The following ADCY6 variants were observed in gnomAD, a reference collection of about 807,000 sequenced individuals.
ADCY6 encodes the protein adenylate cyclase 6.
In ADCY6, 59 loss-of-function variants were observed where a neutral mutation model predicts 111.6. The observed-to-expected ratio is 0.53, with a 90% CI of 0.43 to 0.66. The LOEUF (loss-of-function observed/expected upper bound fraction) is 0.66, where lower values mean the gene tolerates loss of function less well. Ranked by LOEUF, ADCY6 falls within the 30% of genes least tolerant of loss-of-function variation. ADCY6 has a pLI of 0.00. For missense variants in ADCY6, 1,242 were observed against 1,595.6 expected, an observed-to-expected ratio of 0.78 and a Z score of 3.78; for synonymous variants, 576 against 642.9, an observed-to-expected ratio of 0.90 and a Z score of 1.57.
chr12:48,778,365 G>A, intron 2 of ADCY6, 108 bp from the exon 3 acceptor site: 1 of 1,421,206 alleles, frequency 7.0e-7, no homozygotes, highest in East Asian at 2.3e-5. Flanking sequence ...GGAAGCCAGG[G>A]TCCTGCACCC....
At chr12:48,781,881 C>A (rs751339815) in intron 2 of ADCY6, among the ~76,000 whole-genome samples, 1 of 152,200 alleles carries the variant, frequency 6.6e-6, no homozygotes, top group African/African-American at 2.4e-5. Context: ...CAAGGAAAGG[C>A]GCCCAGGTCC....
intron 1 of ADCY6, chr12:48,784,081 CAA>C (rs953287722): frequency 3.7e-5 from 5 of 135,964 alleles, no homozygotes; most frequent in East Asian, 2.1e-4. Flanking sequence ...GACTCCGTCT[CAA>C]AAAAAAAAAA....
chr12:48,778,303 C>T (rs1348383085), intron 2 of ADCY6, 46 bp from the exon 3 acceptor site: 2 of 1,611,378 alleles, frequency 1.2e-6, no homozygotes, highest in Admixed American at 1.7e-5. Context: ...CCTCTGCCTG[C>T]CCCCCTAAAC....
Position 48,775,048 on chromosome 12 carries a change from G to A in ADCY6, c.1987C>T (p.Arg663Trp), listed in dbSNP as rs116786357. ...GCTCCGAAGCGGGGATCCACCTTCC[G>A]GGAGTACTGAGGGAGAGGAGGCTGA... The part of the protein sequence containing the change: ...QREDLEKKYS[R>W]KVDPRFGAYV... The change falls in exon 12 of 22, where the codon CGG becomes TGG. Residue 663 changes from arginine (R) to tryptophan (W), a missense_variant. Transcript: ENST00000357869. 104 of 1,554,474 alleles carry A rather than the reference G, an allele frequency of 6.7e-5. No individual in the cohort carries two copies. The African/African-American group carries it at 9.3e-4, about 14-fold the overall frequency.
rs373432687 is a variant in ADCY6 at position 48,782,780 on chromosome 12, G to A, written c.655C>T (p.Leu219=). 7.4e-6 allele frequency: 12 copies of A among 1,613,188 alleles called. No individual in the cohort carries two copies. In the Admixed American group the frequency reaches 1.8e-4, roughly 25 times the overall value. The change falls in exon 2 of 22, where the codon CTG becomes TTG. Residue 219 remains leucine (L), a synonymous_variant. Transcript: ENST00000357869. The surrounding 1 kb of genome is among the most constrained non-coding windows in gnomAD (Gnocchi z 4.3). ...WVVSYVVLGI[L]AAVQVGGALA... ...GCGCCCCCGACCTGCACTGCCGCCA[G>A]GATGCCCAGCACCACGTAGCTCACC...
rs150930409 is a variant in ADCY6, at chr12:48,774,723, C to T, written c.2134G>A (p.Val712Met). 97 of 1,613,964 alleles carry T rather than the reference C, an allele frequency of 6.0e-5. No homozygotes were observed. The highest frequency in any genetic ancestry group is 1.6e-4 in the Middle Eastern group (1 of 6,080). The change falls in exon 13 of 22, where the codon GTG becomes ATG. Residue 712 changes from valine (V) to methionine (M), a missense_variant. Physicochemically the swap from Val to Met is conservative, Grantham distance 21. Coordinates refer to ENST00000357869, the MANE Select transcript of ADCY6 (RefSeq NM_015270.5). Reference sequence around the variant, plus strand: ...CAGGAGTACACAGCACAGATCAGCACGGTGATTAGCAGCAGCAGGAAGATG... The same window carrying T: ...CAGGAGTACACAGCACAGATCAGCATGGTGATTAGCAGCAGCAGGAAGATG... ...ASIFLLLLIT[V>M]LICAVYSCGS...
chr12:48,777,816 G>C lies in ADCY6; in HGVS notation c.1015-80C>G. The C allele has an allele frequency of 6.3e-7, 1 of 1,575,844 alleles. No individual in the cohort carries two copies. The highest frequency in any genetic ancestry group is 8.6e-7 in the Non-Finnish European group (1 of 1,161,862). On this transcript the variant is annotated intron_variant, in intron 3 of 21. Transcript: ENST00000357869. This position sits in a 1 kb window ranked among gnomAD's most constrained non-coding sequence, Gnocchi z 4.9. ...CCCTCCTGGTCTCTCCACATCGCCAGAGCCCTCCTAGACTTCTCTGAAGAC... is the reference window on the plus strand; with the variant it reads ...CCCTCCTGGTCTCTCCACATCGCCACAGCCCTCCTAGACTTCTCTGAAGAC...
At chr12:48,769,579 CCTTT>C (rs1224082062) in intron 20 of ADCY6, among the ~76,000 whole-genome samples, 1 of 151,182 alleles carries the variant, frequency 6.6e-6, no homozygotes, top group East Asian at 1.9e-4. Context: ...CTGGCTTCAT[CCTTT>C]CTTTTCTTTT....
In ADCY6 at chr12:48,767,627, T is replaced by A. The variant is rs1263250114; in HGVS notation, c.*964A>T. On this transcript the variant is annotated 3_prime_UTR_variant, in exon 22 of 22. Transcript: ENST00000357869. ...TTGGGATCAGGGTCACCTTTCTCCA[T>A]GCCCTGACCCTTTTCTATTTGGCAA... 6.6e-6 allele frequency: 1 copy of A among 152,638 alleles called. No homozygotes were observed. Among genetic ancestry groups the A allele is most frequent in the Admixed American group, 6.5e-5 (1 of 15,284 alleles). The allele number at this position is 152,638 out of a possible 1,614,324, so 9.5% of individuals were successfully genotyped here.
Position 48,774,096 on chromosome 12 carries a change from G to T in ADCY6, c.2286C>A (p.Phe762Leu). The T allele has an allele frequency of 1.2e-6, 2 of 1,606,552 alleles. No homozygotes were observed. Among genetic ancestry groups the T allele is most frequent in the South Asian group, 2.2e-5 (2 of 89,790 alleles). The change falls in exon 15 of 22, where the codon TTC becomes TTA. Residue 762 changes from phenylalanine to leucine, a missense_variant and splice_region_variant. Transcript: ENST00000357869. ...TCCGTATGGGGGTGTGGTTACAGGT[G>T]AACTGCAAAAGTGGAGGGGTATATC... ...LVFTSAIANM[F>L]TCNHTPIRSC... is the part of the protein sequence containing the mutation.
chr12:48,779,380 C>T (rs1941787922), intron 2 of ADCY6, among the ~76,000 whole-genome samples: 1 of 152,164 alleles, frequency 6.6e-6, no homozygotes, highest in Non-Finnish European at 1.5e-5. Flanking sequence ...CTACTGCATT[C>T]CATACTTTGT....
In ADCY6 at chr12:48,777,784, T is replaced by C. The variant is rs1377664491; in HGVS notation, c.1015-48A>G. ...GCATCACTATACTCTTGGTCTCACA[T>C]TGCAATCCCTCCTGGTCTCTCCACA... On this transcript the variant is annotated intron_variant, in intron 3 of 21. Coordinates refer to ENST00000357869, the MANE Select transcript of ADCY6 (RefSeq NM_015270.5). The surrounding 1 kb of genome is among the most constrained non-coding windows in gnomAD (Gnocchi z 4.9). 6.2e-7 allele frequency: 1 copy of C among 1,607,836 alleles called. No homozygotes were observed. Among genetic ancestry groups the C allele is most frequent in the South Asian group, 1.1e-5 (1 of 90,460 alleles).
intron 1 of ADCY6, among the ~76,000 whole-genome samples, chr12:48,786,889 T>C (rs1941987865): frequency 6.6e-6 from 1 of 152,246 alleles, no homozygotes; most frequent in Non-Finnish European, 1.5e-5. Flanking sequence ...TCTGTGTCAG[T>C]ACCTTCATCT....
At position 48,777,619 on chromosome 12, in the gene ADCY6, C is replaced by T; in HGVS notation, c.1132G>A (p.Val378Ile). 6.2e-7 allele frequency: 1 copy of T among 1,614,242 alleles called. No homozygotes were observed. The highest frequency in any genetic ancestry group is 8.5e-7 in the Non-Finnish European group (1 of 1,180,030). ...HKIYIQKHDNVSILFADIEGF... is the reference protein window; with the variant it reads ...HKIYIQKHDNISILFADIEGF... The stretch of plus-strand genomic sequence containing the variant: ...ATCCTCCTACCCTCACCCTACCTGA[C>T]ATTGTCATGCTTCTGTATGTAGATC... Residue 378 changes from valine (V) to isoleucine (I), a missense_variant, in exon 4 of 22, where the codon GTC (valine) becomes ATC (isoleucine). Val to Ile is a conservative substitution (Grantham distance 29). Transcript: ENST00000357869. This position sits in a 1 kb window ranked among gnomAD's most constrained non-coding sequence, Gnocchi z 4.9.
chr12:48,775,769 A>C (rs1592159212), intron 9 of ADCY6, 71 bp from the exon 10 acceptor site: 1 of 1,564,372 alleles, frequency 6.4e-7, no homozygotes, highest in East Asian at 2.3e-5. Flanking sequence ...TCCTTCCCCC[A>C]CCCCAACACT....
rs1003787696 is a variant in ADCY6, at chr12:48,769,187, G to A, written c.3257-126C>T. On this transcript the variant is annotated intron_variant, in intron 20 of 21. Coordinates refer to ENST00000357869, the MANE Select transcript of ADCY6 (RefSeq NM_015270.5). ...TGGAAAAAGGACAAGTCTCCTGGTT[G>A]TAAAGAACAATCTAGTTCAAGACGA... 8.5e-6 allele frequency: 9 copies of A among 1,061,644 alleles called. No homozygotes were observed. In the African/African-American group the frequency reaches 1.5e-4, roughly 17 times the overall value. 65.8% of individuals were successfully genotyped at this position (1,061,644 alleles called of 1,614,324 possible). A position where few individuals can be genotyped will look rare whatever the true frequency, so the allele number is the denominator to read the frequency against.
chr12:48,772,220 A>G, intron 18 of ADCY6, 75 bp downstream of exon 18: 2 of 1,533,750 alleles, frequency 1.3e-6, no homozygotes, highest in Non-Finnish European at 1.7e-6. Flanking sequence ...GCCAGCTAGC[A>G]CAAGATACAT....
Position 48,769,071 on chromosome 12 carries a change from A to G in ADCY6, c.3257-10T>C. On this transcript the variant is annotated splice_polypyrimidine_tract_variant and intron_variant, in intron 20 of 21. Transcript: ENST00000357869. ...GGGCCCATGTTCAGCCCTGAGGTGG[A>G]GAGAACAGCAAGAGACTAGTGGATG... 6.2e-7 allele frequency: 1 copy of G among 1,606,388 alleles called. No individual in the cohort carries two copies. Among genetic ancestry groups the G allele is most frequent in the Non-Finnish European group, 8.5e-7 (1 of 1,175,878 alleles).
chr12:48,775,617 C>A, intron 10 of ADCY6, 56 bp downstream of exon 10: 1 of 1,596,196 alleles, frequency 6.3e-7, no homozygotes, highest in South Asian at 1.1e-5. Context: ...TCTCGGCTCC[C>A]CCCAGCCCCA....
Sources: allele counts gnomAD v4.1 joint callset (sites outside exome capture counted in the v4.1 genomes callset), GRCh38; gene constraint gnomAD v4.1.1; non-coding constraint Gnocchi (gnomAD v3.1); transcripts MANE v1.5; gene names NCBI Gene and HGNC (gene_info 2026-07-23, HGNC 2026-07-21).